Variants in ESR1 observed in about 807,000 individuals in gnomAD.
The protein encoded by ESR1 is estrogen receptor 1.
In ESR1, 12 loss-of-function variants were observed where a neutral mutation model predicts 52.7. That is an observed-to-expected ratio of 0.23 (90% CI 0.15 to 0.37). The LOEUF is 0.37. Among genes scored for constraint, ESR1 ranks in the 10% least tolerant of loss-of-function variants. ESR1 has a pLI of 1.00. For missense variants in ESR1, 584 were observed against 779.7 expected (o/e 0.75, Z 2.99); for synonymous variants, 305 against 316.8 (o/e 0.96, Z 0.39).
intron 3 of ESR1, among the ~76,000 whole-genome samples, chr6:151,904,982 C>A (rs2128417545): frequency 6.6e-6 from 1 of 151,964 alleles, no homozygotes; most frequent in Non-Finnish European, 1.5e-5. Flanking sequence ...GATTTAAACC[C>A]AATTAAAAGA....
chr6:151,761,667 A>G (rs1784669066), intron 2 of ESR1, among the ~76,000 whole-genome samples: 1 of 152,236 alleles, frequency 6.6e-6, no homozygotes, highest in Admixed American at 6.5e-5. Flanking sequence ...GTAAGCCCTC[A>G]ATAAATGCTA....
intron 4 of ESR1, among the ~76,000 whole-genome samples, chr6:151,960,162 T>C (rs1026705045): frequency 6.6e-6 from 1 of 152,304 alleles, no homozygotes; most frequent in Admixed American, 6.5e-5. Context: ...CAGCTCCAGG[T>C]TCATTGATTG....
chr6:151,740,306 TTG>T (rs1554247968), intron 2 of ESR1, among the ~76,000 whole-genome samples: 33 of 148,016 alleles, frequency 2.2e-4, no homozygotes, highest in African/African-American at 8.3e-4. Flanking sequence ...TTTTTTTTTT[TTG>T]TATTTTTAGT....
intron 2 of ESR1, among the ~76,000 whole-genome samples, chr6:151,718,523 A>G (rs1781222060): frequency 6.6e-6 from 1 of 152,204 alleles, no homozygotes. Flanking sequence ...TTAGTGTGAA[A>G]AATTATACCA....
intron 2 of ESR1, among the ~76,000 whole-genome samples, chr6:151,773,654 C>A (rs990090571): frequency 3.3e-5 from 5 of 152,184 alleles, no homozygotes; most frequent in African/African-American, 4.8e-5. Context: ...AACCCAGTGA[C>A]TCAGGTTGTT....
chr6:151,823,792 A>T (rs920074061), intron 1 of ESR1, among the ~76,000 whole-genome samples: 4 of 152,156 alleles, frequency 2.6e-5, no homozygotes, highest in African/African-American at 9.7e-5. Flanking sequence ...CCCTACAAAG[A>T]ACATGAACTC....
intron 1 of ESR1, among the ~76,000 whole-genome samples, chr6:151,699,582 C>G (rs1173940142): frequency 6.6e-6 from 1 of 152,190 alleles, no homozygotes; most frequent in Non-Finnish European, 1.5e-5. Context: ...TTAACCAAGG[C>G]AACCCTCAAA....
In ESR1 at chr6:152,052,118, G is replaced by GCTTTTACTC. The variant is rs1352308819; in HGVS notation, c.1236-8873_1236-8872insCTTTTACTC. Among the ~76,000 whole-genome samples the GCTTTTACTC allele has an allele frequency of 7.2e-5, 11 of 152,328 alleles. No individual in the cohort carries two copies. In the East Asian group the frequency reaches 1.7e-3, roughly 24 times the overall value. On this transcript the variant is annotated intron_variant, in intron 5 of 7. Coordinates refer to ENST00000206249, the MANE Select transcript of ESR1 (RefSeq NM_000125.4). ...TTTTACTCATGGTGGAAGGCAAAGAGAGAGCAGGCGTTTCACACAGCAAAG... is the reference window on the plus strand; with the variant it reads ...TTTTACTCATGGTGGAAGGCAAAGAGCTTTTACTCAGAGCAGGCGTTTCACACAGCAAAG...
rs1270942310 is a variant in ESR1 at position 152,101,368 on chromosome 6, TTAAAA to T, written c.*2408_*2412del. ...ATACTTAGATTTTCTTTTAAAAAAA[TTAAAA>T]TAAAACAAAAAAAAATTTCTAGGAC... On this transcript the variant is annotated 3_prime_UTR_variant, in exon 8 of 8. Coordinates refer to ENST00000206249, the MANE Select transcript of ESR1 (RefSeq NM_000125.4). The T allele has an allele frequency of 8.6e-6, 2 of 232,476 alleles. No homozygotes were observed. The highest frequency in any genetic ancestry group is 4.4e-5 in the African/African-American group (2 of 45,236). The allele number at this position is 232,476 out of a possible 1,614,324, so 14.4% of individuals were successfully genotyped here.
At chr6:151,805,555 T>G (rs1351794057), upstream of ESR1, 1 of 152,746 alleles carries the variant, frequency 6.5e-6, no homozygotes, top group Non-Finnish European at 1.5e-5. Context: ...AAGTCTCCCC[T>G]CACTCCCCAC....
chr6:151,955,217 G>A (rs924712789), intron 4 of ESR1, among the ~76,000 whole-genome samples: 1 of 152,120 alleles, frequency 6.6e-6, no homozygotes, highest in Non-Finnish European at 1.5e-5. Context: ...AGTAATTTCT[G>A]ATTTGCTTTG....
At chr6:152,113,650 A>G (rs1444397712) in intron 6 of ESR1, among the ~76,000 whole-genome samples, 1 of 152,206 alleles carries the variant, frequency 6.6e-6, no homozygotes, top group Non-Finnish European at 1.5e-5. Context: ...CAATTTTAAG[A>G]GACTTTCTCC....
At chr6:152,122,768 C>T (rs942974890) in intron 6 of ESR1, 2 of 1,588,788 alleles carry the variant, frequency 1.3e-6, no homozygotes, top group African/African-American at 1.3e-5. Context: ...AGCTAAAGGG[C>T]CATGCCAAGC....
intron 3 of ESR1, among the ~76,000 whole-genome samples, chr6:151,911,801 T>C (rs1487144834): frequency 6.6e-6 from 1 of 152,218 alleles, no homozygotes; most frequent in Non-Finnish European, 1.5e-5. Context: ...TGATCAGAAC[T>C]GTTCCCATAG....
intron 6 of ESR1, among the ~76,000 whole-genome samples, chr6:152,088,760 T>C (rs984594927): frequency 2.0e-5 from 3 of 152,310 alleles, no homozygotes; most frequent in South Asian, 2.1e-4. Flanking sequence ...CTGTAGGAAA[T>C]GAATTCCTTT....
At chr6:151,980,785 C>T (rs1299655249) in intron 4 of ESR1, among the ~76,000 whole-genome samples, 1 of 152,134 alleles carries the variant, frequency 6.6e-6, no homozygotes, top group Non-Finnish European at 1.5e-5. Context: ...CTCAATGCAA[C>T]CTCCGCCTCC....
intron 4 of ESR1, among the ~76,000 whole-genome samples, chr6:151,959,120 T>G (rs1038465957): frequency 6.6e-6 from 1 of 152,118 alleles, no homozygotes; most frequent in Admixed American, 6.6e-5. Flanking sequence ...TCCAGAACTC[T>G]CCACCTAAGT....
intron 2 of ESR1, among the ~76,000 whole-genome samples, chr6:151,733,527 A>G (rs769500424): frequency 6.6e-6 from 1 of 152,162 alleles, no homozygotes; most frequent in Non-Finnish European, 1.5e-5. Flanking sequence ...CATATAAGGC[A>G]AATTTGTGGG....
chr6:151,848,299 AG>A (rs1391898129), intron 2 of ESR1, among the ~76,000 whole-genome samples: 1 of 106,266 alleles, frequency 9.4e-6, no homozygotes, highest in Non-Finnish European at 1.9e-5. Flanking sequence ...GGACACAGGA[AG>A]GGGAATATCA....
Sources: allele counts gnomAD v4.1 joint callset (sites outside exome capture counted in the v4.1 genomes callset), GRCh38; gene constraint gnomAD v4.1.1; transcripts MANE v1.5; gene names NCBI Gene and HGNC (gene_info 2026-07-23, HGNC 2026-07-21).